The following MLH3 variants were observed in gnomAD, a reference collection of about 807,000 sequenced individuals.
MLH3 encodes the protein mutL homolog 3.
A neutral mutation model predicts 122.2 loss-of-function variants in MLH3; 82 were observed. That is an observed-to-expected ratio of 0.67 (90% confidence interval 0.56 to 0.81). The LOEUF is 0.81. Ranked by LOEUF, MLH3 falls within the 30% of genes least tolerant of loss-of-function variation. MLH3 has a pLI of 0.00. For synonymous variants in MLH3, 524 were observed against 599.5 expected (o/e 0.87, Z 1.84); for missense variants, 1,539 against 1,714.5 (o/e 0.90, Z 1.81).
chr14:75,030,513 A>G, intron 9 of MLH3, 30 bp downstream of exon 9: 1 of 1,610,240 alleles, frequency 6.2e-7, no homozygotes, highest in Non-Finnish European at 8.5e-7. Flanking sequence ...TCACTCAGCA[A>G]TTTCCTTAAC....
rs755543475 is a variant in MLH3 at position 75,048,399 on chromosome 14, GTTTTCTGCAGTAGTTTTTC to G, written c.1238_1256del (p.Arg413ThrfsTer2). ...AATCCCTAGAACTCTGTGTGTTTAC[GTTTTCTGCAGTAGTTTTTC>G]TTTTCACAGCTTTTGACTGCAAATT... On this transcript the variant is annotated frameshift_variant, in exon 2 of 13. Transcript: ENST00000355774. LOFTEE classifies it high-confidence loss of function. The G allele has an allele frequency of 6.2e-7, 1 of 1,608,664 alleles. No individual in the cohort carries two copies. The highest frequency in any genetic ancestry group is 2.2e-5 in the East Asian group (1 of 44,852).
At chr14:75,043,958 G>A (rs1439430180) in intron 2 of MLH3, among the ~76,000 whole-genome samples, 1 of 152,084 alleles carries the variant, frequency 6.6e-6, no homozygotes, top group African/African-American at 2.4e-5. Context: ...GCATGGTGGC[G>A]CATGCCTGTA....
intron 1 of MLH3, chr14:75,051,030 G>A (rs1368041687): frequency 1.3e-5 from 2 of 152,276 alleles, no homozygotes; most frequent in African/African-American, 4.8e-5. Context: ...GCAACTGACG[G>A]GTAAACGTTT....
At chr14:75,040,167 CG>C (rs1335069244) in intron 4 of MLH3, 152 bp from the exon 5 acceptor site, 1 of 542,594 alleles carries the variant, frequency 1.8e-6, no homozygotes, top group African/African-American at 1.9e-5. Context: ...TCAAAAGAAT[CG>C]GCCGGGCGTG....
rs375564813 is a variant in MLH3, at chr14:75,047,325, T to A, written c.2331A>T (p.Gly777=). The A allele has an allele frequency of 2.9e-5, 47 of 1,614,126 alleles. No homozygotes were observed. Among genetic ancestry groups the A allele is most frequent in the Non-Finnish European group, 4.0e-5 (47 of 1,179,980 alleles). ...CTTGAAGACTGAGATTGGTAGTGAC[T>A]CCATTACTTTCCTCTACTTCTGTAT... ...PLDTEVEESN[G]VTTNLSLQVE... is the part of the protein sequence containing the mutation. The change falls in exon 2 of 13, where the codon GGA becomes GGT. Residue 777 remains glycine, a synonymous_variant. Transcript: ENST00000355774.
At position 75,047,560 on chromosome 14, in the gene MLH3, TC is replaced by T; in HGVS notation, c.2095del (p.Glu699LysfsTer35). ...ATYTMFSAFQ[E>X]GSKKSQTDCI... ...ATCTGTTTGTGATTTTTTGCTACCT[TC>T]CTGAAAAGCAGAAAACATTGTATAA... On this transcript the variant is annotated frameshift_variant, in exon 2 of 13. Transcript: ENST00000355774. LOFTEE classifies it high-confidence loss of function. The T allele has an allele frequency of 6.2e-7, 1 of 1,614,064 alleles. No homozygotes were observed. Among genetic ancestry groups the T allele is most frequent in the Non-Finnish European group, 8.5e-7 (1 of 1,180,034 alleles).
At position 75,030,612 on chromosome 14, in the gene MLH3, T is replaced by C. The variant is rs773625418; in HGVS notation, c.3918A>G (p.Leu1306=). Residue 1306 remains leucine (L), a synonymous_variant, in exon 9 of 13, where the codon CTA becomes CTG. Coordinates refer to ENST00000355774, the MANE Select transcript of MLH3 (RefSeq NM_001040108.2). The part of the protein sequence containing the change: ...DSLVLVGKVP[L]CFVEREANEL... ...CATTGGCTTCTCTTTCCACAAAACA[T>C]AGTGGTACTTTTCCCACAAGGACCA... 4 of 1,613,882 alleles carry C rather than the reference T, an allele frequency of 2.5e-6. No homozygotes were observed. The highest frequency in any genetic ancestry group is 1.3e-5 in the African/African-American group (1 of 75,014).
rs41564213 is a variant in MLH3, at chr14:75,046,459, G to A, written c.3197C>T (p.Thr1066Ile). 76 of 1,614,058 alleles carry A rather than the reference G, an allele frequency of 4.7e-5. No individual in the cohort carries two copies. Among genetic ancestry groups the A allele is most frequent in the African/African-American group, 6.7e-5 (5 of 74,920 alleles). ...AATGTCCTCAGTTGGGGCAATGAAT[G>A]TGCTGAGTCCAGTCATTTTGTTGAC... ...VYVNKMTGLSTFIAPTEDIQA... is the reference protein window; with the variant it reads ...VYVNKMTGLSIFIAPTEDIQA... Residue 1066 changes from threonine to isoleucine, a missense_variant, in exon 2 of 13, where the codon ACA (threonine) becomes ATA (isoleucine). By Grantham distance (89) the Thr-to-Ile change is moderately conservative. Coordinates refer to ENST00000355774, the MANE Select transcript of MLH3 (RefSeq NM_001040108.2).
chr14:75,018,779 AAG>A, intron 12 of MLH3, 48 bp downstream of exon 12: 1 of 1,592,556 alleles, frequency 6.3e-7, no homozygotes, highest in African/African-American at 1.3e-5. Flanking sequence ...CCAGAAAAGA[AAG>A]AGAAAATAAA....
intron 8 of MLH3, among the ~76,000 whole-genome samples, chr14:75,031,751 T>G (rs772121835): frequency 1.3e-5 from 2 of 152,090 alleles, no homozygotes; most frequent in African/African-American, 4.8e-5. Flanking sequence ...AAGGTGGAGG[T>G]TGCAGTGAGC....
chr14:75,048,055 A>G lies in MLH3; in HGVS notation c.1601T>C (p.Val534Ala). ...CAAGATGTTGGCAGCCATGCCATTA[A>G]CAGTAGTACTTTCTTTCCATATTTC... ...DLEIWKESTT[V>A]NGMAANILKN... is the part of the protein sequence containing the mutation. Residue 534 changes from valine (V) to alanine (A), a missense_variant, in exon 2 of 13, where the codon GTT (valine) becomes GCT (alanine). Transcript: ENST00000355774. The G allele has an allele frequency of 1.2e-6, 2 of 1,614,022 alleles. No homozygotes were observed. Among genetic ancestry groups the G allele is most frequent in the South Asian group, 2.2e-5 (2 of 91,024 alleles).
chr14:75,016,972 G>T lies in MLH3; in HGVS notation c.*110C>A. The T allele has an allele frequency of 7.6e-7, 1 of 1,313,428 alleles. No individual in the cohort carries two copies. The highest frequency in any genetic ancestry group is 1.2e-5 in the South Asian group (1 of 84,386). 81.4% of individuals were successfully genotyped at this position (1,313,428 alleles called of 1,614,324 possible). ...AGCCCTGCTGTCTAAGCTGCTCAGG[G>T]ACACTGGGCTGATTCAGTCAGGGCC... On this transcript the variant is annotated 3_prime_UTR_variant, in exon 13 of 13. Transcript: ENST00000355774.
chr14:75,047,601 A>C lies in MLH3; in HGVS notation c.2055T>G (p.Asn685Lys), dbSNP rs202046046. ...CRTNISYGLENEPTATYTMFS... is the reference protein window; with the variant it reads ...CRTNISYGLEKEPTATYTMFS... ...ACATTGTATAAGTTGCTGTAGGTTC[A>C]TTCTCTAGCCCATAACTTATATTCG... Residue 685 changes from asparagine (N) to lysine (K), a missense_variant, in exon 2 of 13, where the codon AAT becomes AAG. Physicochemically the swap from Asn to Lys is moderately conservative, Grantham distance 94. Coordinates refer to ENST00000355774, the MANE Select transcript of MLH3 (RefSeq NM_001040108.2). 6.2e-7 allele frequency: 1 copy of C among 1,614,088 alleles called. No individual in the cohort carries two copies. Among genetic ancestry groups the C allele is most frequent in the East Asian group, 2.2e-5 (1 of 44,870 alleles).
At chr14:75,025,087 C>T (rs1890545905) in intron 9 of MLH3, among the ~76,000 whole-genome samples, 1 of 152,196 alleles carries the variant, frequency 6.6e-6, no homozygotes, top group African/African-American at 2.4e-5. Flanking sequence ...AATGTTTCCC[C>T]CTTGGCCTGC....
At position 75,030,687 on chromosome 14, in the gene MLH3, AT is replaced by A. The variant is rs759146153; in HGVS notation, c.3842del (p.Asn1281IlefsTer43). The A allele has an allele frequency of 6.2e-7, 1 of 1,613,932 alleles. No homozygotes were observed. Among genetic ancestry groups the A allele is most frequent in the Non-Finnish European group, 8.5e-7 (1 of 1,179,840 alleles). ...CAAATTCAAGGCCCAGATCTTCCAGATTTTTGTGGTAACACCTAAAGAGATA... is the reference window on the plus strand; with the variant it reads ...CAAATTCAAGGCCCAGATCTTCCAGATTTTGTGGTAACACCTAAAGAGATA... ...QRRLLWCYHK[N>X]LEDLGLEFVF... On this transcript the variant is annotated frameshift_variant, in exon 9 of 13. Transcript: ENST00000355774. LOFTEE classifies it high-confidence loss of function.
At chr14:75,037,021 C>A (rs1891463238) in intron 6 of MLH3, among the ~76,000 whole-genome samples, 1 of 151,568 alleles carries the variant, frequency 6.6e-6, no homozygotes, top group Non-Finnish European at 1.5e-5. Context: ...ATGTACCACC[C>A]CAAAAACAAC....
At chr14:75,019,456 T>C (rs1475132831) in intron 11 of MLH3, among the ~76,000 whole-genome samples, 2 of 151,298 alleles carry the variant, frequency 1.3e-5, no homozygotes, top group Non-Finnish European at 2.9e-5. Flanking sequence ...AATTAGTGCT[T>C]ATGACCATGG....
At chr14:75,051,099 G>T (rs1241448224) in intron 1 of MLH3, 1 of 152,320 alleles carries the variant, frequency 6.6e-6, no homozygotes, top group African/African-American at 2.4e-5. Context: ...CCCAGCGCCT[G>T]GGACTGACGG....
intron 9 of MLH3, among the ~76,000 whole-genome samples, chr14:75,027,529 G>A (rs932717689): frequency 1.3e-5 from 2 of 151,970 alleles, no homozygotes; most frequent in Non-Finnish European, 2.9e-5. Context: ...CCAAAGTGCT[G>A]GGATTACAGG....
Sources: allele counts gnomAD v4.1 joint callset (sites outside exome capture counted in the v4.1 genomes callset), GRCh38; gene constraint gnomAD v4.1.1; transcripts MANE v1.5; gene names NCBI Gene and HGNC (gene_info 2026-07-23, HGNC 2026-07-21).